The following MEIS2 variants were observed in gnomAD, a reference collection of about 807,000 sequenced individuals.
MEIS2 encodes Meis homeobox 2.
In MEIS2, 9 loss-of-function variants were observed where a neutral mutation model predicts 58.6. The observed-to-expected ratio is 0.15, with a 90% CI of 0.09 to 0.27. The LOEUF is 0.27. Ranked by LOEUF, MEIS2 falls within the 10% of genes least tolerant of loss-of-function variation. MEIS2 has a pLI of 1.00. For missense variants in MEIS2, 427 were observed against 635.0 expected, an observed-to-expected ratio of 0.67 and a Z score of 3.52; for synonymous variants, 221 against 228.4, an observed-to-expected ratio of 0.97 and a Z score of 0.29.
Position 37,036,887 on chromosome 15 carries a change from C to T in MEIS2, c.827G>A (p.Arg276His), listed in dbSNP as rs767585793. 8 of 1,613,724 alleles carry T rather than the reference C, an allele frequency of 5.0e-6. No individual in the cohort carries two copies. In the Admixed American group the frequency reaches 6.7e-5, roughly 13 times the overall value. ...DDDDPDKDKK[R>H]QKKRGIFPKV... ...GGGGAAAATGCCTCTTTTCTTCTGGCGTTTTTTGTCCTTATCCGGATCATC... is the reference window on the plus strand; with the variant it reads ...GGGGAAAATGCCTCTTTTCTTCTGGTGTTTTTTGTCCTTATCCGGATCATC... The change falls in exon 8 of 12, where the codon CGC becomes CAC. Residue 276 changes from arginine (R) to histidine (H), a missense_variant. Coordinates refer to ENST00000561208, the MANE Select transcript of MEIS2 (RefSeq NM_170675.5).
At chr15:36,895,349 G>C in intron 10 of MEIS2, 88 bp from the exon 11 acceptor site, 1 of 1,148,544 alleles carries the variant, frequency 8.7e-7, no homozygotes, top group South Asian at 1.4e-5. Context: ...GCACTGAAAC[G>C]TTATAGCAAC....
intron 8 of MEIS2, among the ~76,000 whole-genome samples, chr15:36,957,209 T>C (rs1321715590): frequency 6.6e-6 from 1 of 152,144 alleles, no homozygotes; most frequent in African/African-American, 2.4e-5. Context: ...AAAATGACCA[T>C]AGAGAGTAAA....
At chr15:37,081,565 T>C (rs2141909315) in intron 7 of MEIS2, among the ~76,000 whole-genome samples, 1 of 152,336 alleles carries the variant, frequency 6.6e-6, no homozygotes, top group African/African-American at 2.4e-5. Flanking sequence ...CTTCAAATTT[T>C]AAAGTCTGCT....
In MEIS2 at chr15:37,093,597, G is replaced by C; in HGVS notation, c.623C>G (p.Thr208Arg). 1 of 1,614,196 alleles carries C rather than the reference G, an allele frequency of 6.2e-7. No homozygotes were observed. Among genetic ancestry groups the C allele is most frequent in the Non-Finnish European group, 8.5e-7 (1 of 1,180,022 alleles). ...SDHEELSGSSTNLADHNPSSW... is the reference protein window; with the variant it reads ...SDHEELSGSSRNLADHNPSSW... ...CAGACTTACATGGTCAGCGAGATTTGTGGAGGAGCCTGAAAGTTCTTCATG... is the reference window on the plus strand; with the variant it reads ...CAGACTTACATGGTCAGCGAGATTTCTGGAGGAGCCTGAAAGTTCTTCATG... Residue 208 changes from threonine (T) to arginine (R), a missense_variant, in exon 6 of 12, where the codon ACA (threonine) becomes AGA (arginine). Around this residue, in one of 6 missense-constraint regions of MEIS2, gnomAD observed 138 missense variants for 263.0 expected, o/e 0.52. Transcript: ENST00000561208.
intron 8 of MEIS2, among the ~76,000 whole-genome samples, chr15:36,993,401 T>C (rs2060368808): frequency 6.6e-6 from 1 of 152,132 alleles, no homozygotes; most frequent in Non-Finnish European, 1.5e-5. Flanking sequence ...ATATTCTAAA[T>C]GGTAGATGGA....
At chr15:37,072,458 A>G (rs1297287933) in intron 7 of MEIS2, among the ~76,000 whole-genome samples, 5 of 152,086 alleles carry the variant, frequency 3.3e-5, no homozygotes, top group Admixed American at 6.6e-5. Flanking sequence ...TGTGGTAAAA[A>G]AGGATCTTCA....
At chr15:36,990,975 T>C (rs1458919475) in intron 8 of MEIS2, among the ~76,000 whole-genome samples, 1 of 152,222 alleles carries the variant, frequency 6.6e-6, no homozygotes, top group East Asian at 1.9e-4. Flanking sequence ...TTTTGCCTCT[T>C]TATTTTCTGT....
intron 7 of MEIS2, among the ~76,000 whole-genome samples, chr15:37,050,137 AT>A (rs770019222): frequency 6.6e-6 from 1 of 152,080 alleles, no homozygotes; most frequent in Non-Finnish European, 1.5e-5. Context: ...TAGCCCAAAT[AT>A]TTGCTCTTCC....
Position 37,070,188 on chromosome 15 carries a change from C to A in MEIS2, c.754+13583G>T, listed in dbSNP as rs117785696. Among the ~76,000 whole-genome samples, 723 of 152,250 alleles carry A rather than the reference C, an allele frequency of 4.7e-3. 2 individuals are homozygous for A. Among genetic ancestry groups the A allele is most frequent in the Non-Finnish European group, 7.3e-3 (496 of 68,012 alleles). On this transcript the variant is annotated intron_variant, in intron 7 of 11. Transcript: ENST00000561208. ...CAATGAAGAATAACTACATGGAGAG[C>A]TGGGTTAATGGAACATTCTGCACAA...
At chr15:36,967,406 T>G (rs1478210696) in intron 8 of MEIS2, among the ~76,000 whole-genome samples, 7 of 152,114 alleles carry the variant, frequency 4.6e-5, no homozygotes, top group Non-Finnish European at 8.8e-5. Flanking sequence ...TCCTTTGCAT[T>G]TTCCCCAAGA....
At chr15:37,053,979 T>C (rs1371614896) in intron 7 of MEIS2, among the ~76,000 whole-genome samples, 1 of 152,238 alleles carries the variant, frequency 6.6e-6, no homozygotes, top group East Asian at 1.9e-4. Flanking sequence ...GGGCATAGAC[T>C]GTTATCCGCA....
chr15:37,029,513 T>C (rs2061831571), intron 8 of MEIS2, among the ~76,000 whole-genome samples: 1 of 152,146 alleles, frequency 6.6e-6, no homozygotes, highest in South Asian at 2.1e-4. Context: ...ATAGAAATTA[T>C]CACAGTGTCT....
chr15:36,981,477 C>A (rs1220851357), intron 8 of MEIS2, among the ~76,000 whole-genome samples: 2 of 151,966 alleles, frequency 1.3e-5, no homozygotes, highest in Non-Finnish European at 2.9e-5. Context: ...AGCTGAGAAA[C>A]TGTAGCTCCT....
intron 9 of MEIS2, among the ~76,000 whole-genome samples, chr15:36,906,821 C>T (rs1341659886): frequency 1.3e-5 from 2 of 152,266 alleles, no homozygotes; most frequent in Non-Finnish European, 1.5e-5. Flanking sequence ...TTACTTCCTT[C>T]CTCTTCCAAA....
chr15:36,918,944 C>T (rs1367775872), intron 9 of MEIS2, among the ~76,000 whole-genome samples: 1 of 152,158 alleles, frequency 6.6e-6, no homozygotes, highest in Non-Finnish European at 1.5e-5. Flanking sequence ...GAGATGATAC[C>T]TACCTCGTAA....
At chr15:37,008,215 G>A (rs1297427162) in intron 8 of MEIS2, among the ~76,000 whole-genome samples, 1 of 152,012 alleles carries the variant, frequency 6.6e-6, no homozygotes, top group African/African-American at 2.4e-5. Flanking sequence ...AGTTATATTC[G>A]CTCTAGGACA....
chr15:37,028,021 T>G (rs1204148973), intron 8 of MEIS2, among the ~76,000 whole-genome samples: 1 of 152,182 alleles, frequency 6.6e-6, no homozygotes, highest in Non-Finnish European at 1.5e-5. Context: ...AAATGTATAA[T>G]GACACGTATC....
intron 4 of MEIS2, 143 bp downstream of exon 4, chr15:37,095,421 T>C: frequency 1.5e-6 from 2 of 1,312,806 alleles, no homozygotes; most frequent in Admixed American, 2.2e-5. Context: ...GCGGGGGCTC[T>C]AAGCTGCTCC....
intron 8 of MEIS2, among the ~76,000 whole-genome samples, chr15:36,952,607 CTGTGTG>C (rs59061267): frequency 0.34 from 47,908 of 139,930 alleles, 9,335 homozygotes; most frequent in Admixed American, 0.47. Flanking sequence ...GTCTCTCTCT[CTGTGTG>C]TGTGTGTGTG....
Sources: allele counts gnomAD v4.1 joint callset (sites outside exome capture counted in the v4.1 genomes callset), GRCh38; gene constraint gnomAD v4.1.1; regional missense constraint gnomAD v4.1.1; transcripts MANE v1.5; gene names NCBI Gene and HGNC (gene_info 2026-07-23, HGNC 2026-07-21).